Variants in DUSP10 observed in about 807,000 individuals in gnomAD.
DUSP10 encodes dual specificity phosphatase 10, also known as dual specificity protein phosphatase 10.
In DUSP10, 14 loss-of-function variants were observed where a neutral mutation model predicts 30.8. That is an observed-to-expected ratio of 0.46 (90% CI 0.30 to 0.71). DUSP10 has a LOEUF of 0.71. DUSP10 is among the 30% of genes least tolerant of loss of function. The pLI, the probability that DUSP10 is intolerant of heterozygous loss-of-function variation, is 0.08. For missense variants in DUSP10, 550 were observed against 619.4 expected, an observed-to-expected ratio of 0.89 and a Z score of 1.19; for synonymous variants, 254 against 250.4, an observed-to-expected ratio of 1.01 and a Z score of -0.14.
intron 2 of DUSP10, among the ~76,000 whole-genome samples, chr1:221,737,635 G>C (rs1661816756): frequency 6.6e-6 from 1 of 152,216 alleles, no homozygotes; most frequent in Admixed American, 6.5e-5. Context: ...CCTAAGGAGA[G>C]ATGTGCCTTT....
At chr1:221,736,909 C>T in intron 2 of DUSP10, 2 of 985,484 alleles carry the variant, frequency 2.0e-6, no homozygotes, top group Non-Finnish European at 2.4e-6. Flanking sequence ...ATGACGAGGC[C>T]TCGCAGTGGC....
chr1:221,737,764 C>A (rs891694211), intron 2 of DUSP10, among the ~76,000 whole-genome samples: 1 of 152,184 alleles, frequency 6.6e-6, no homozygotes, highest in Admixed American at 6.5e-5. Flanking sequence ...AGGCAGAATG[C>A]CCCACTGGGA....
In DUSP10 at chr1:221,722,153, T is replaced by C. The variant is rs561273115; in HGVS notation, c.812-15687A>G. ...ACGATCATATCATAAGAGCTATTTC[T>C]TCAAACACAGGAGTTCTCTCTTTTC... On this transcript the variant is annotated intron_variant, in intron 2 of 3. Transcript: ENST00000366899. Among the ~76,000 whole-genome samples the C allele has an allele frequency of 1.3e-4, 20 of 152,364 alleles. No individual in the cohort carries two copies. The South Asian group carries it at 3.9e-3, about 30-fold the overall frequency.
In DUSP10 at chr1:221,713,359, C is replaced by T. The variant is rs117171825; in HGVS notation, c.812-6893G>A. Among the ~76,000 whole-genome samples the T allele has an allele frequency of 8.6e-3, 1,302 of 152,176 alleles. 24 individuals carry two copies. The highest frequency in any genetic ancestry group is 0.061 in the East Asian group (314 of 5,186). ...TGGTTAGTGTGGTCTCCCTTGAAAA[C>T]CTCATTATATTTAGTTCTTTATGTC... On this transcript the variant is annotated intron_variant, in intron 2 of 3. Transcript: ENST00000366899.
Position 221,719,005 on chromosome 1 carries a change from C to T in DUSP10, c.812-12539G>A, listed in dbSNP as rs567738847. 2.0e-5 allele frequency among the ~76,000 whole-genome samples: 3 copies of T among 152,144 alleles called. No homozygotes were observed. The South Asian group carries it at 6.2e-4, about 32-fold the overall frequency. ...ACACAGGTGAAGCCTGGATAGGGTT[C>T]CATTGCTAAAATCATGTATGGAAGT... is the stretch of plus-strand genomic sequence containing the variant. On this transcript the variant is annotated intron_variant, in intron 2 of 3. Transcript: ENST00000366899.
intron 2 of DUSP10, among the ~76,000 whole-genome samples, chr1:221,725,094 G>A (rs1661388245): frequency 6.6e-6 from 1 of 152,134 alleles, no homozygotes; most frequent in Non-Finnish European, 1.5e-5. Flanking sequence ...TTGACTCACT[G>A]AGTCATTGAG....
intron 1 of DUSP10, among the ~76,000 whole-genome samples, chr1:221,740,212 C>T (rs1338607452): frequency 6.6e-6 from 1 of 152,202 alleles, no homozygotes; most frequent in African/African-American, 2.4e-5. Flanking sequence ...CCCTTGCATG[C>T]TTGCCATTTA....
chr1:221,716,384 A>T (rs1425603654), intron 2 of DUSP10, among the ~76,000 whole-genome samples: 1 of 152,200 alleles, frequency 6.6e-6, no homozygotes, highest in Non-Finnish European at 1.5e-5. Context: ...ACTTCAAGTC[A>T]GTCCCTCTGC....
intron 2 of DUSP10, among the ~76,000 whole-genome samples, chr1:221,725,016 A>G (rs1360487266): frequency 2.0e-5 from 3 of 152,198 alleles, no homozygotes; most frequent in South Asian, 2.1e-4. Flanking sequence ...GCGCAGATAC[A>G]TGGGGATGCC....
intron 2 of DUSP10, among the ~76,000 whole-genome samples, chr1:221,732,953 T>G (rs1380737358): frequency 6.6e-6 from 1 of 152,232 alleles, no homozygotes; most frequent in Non-Finnish European, 1.5e-5. Flanking sequence ...ATTCTTTAGT[T>G]CCAAAAAGGT....
At chr1:221,724,742 G>T (rs768151010) in intron 2 of DUSP10, among the ~76,000 whole-genome samples, 3 of 152,152 alleles carry the variant, frequency 2.0e-5, no homozygotes, top group Non-Finnish European at 4.4e-5. Flanking sequence ...CACATGGAGG[G>T]GTAGTGACCA....
chr1:221,719,570 G>A (rs1239678678), intron 2 of DUSP10, among the ~76,000 whole-genome samples: 1 of 152,200 alleles, frequency 6.6e-6, no homozygotes, highest in Non-Finnish European at 1.5e-5. Flanking sequence ...GAGGAGGTGG[G>A]CTGGAATTAC....
chr1:221,724,981 T>A (rs527901652), intron 2 of DUSP10, among the ~76,000 whole-genome samples: 2 of 152,302 alleles, frequency 1.3e-5, no homozygotes, highest in African/African-American at 4.8e-5. Flanking sequence ...TAGCTTTGAA[T>A]GAGAAAAGAC....
chr1:221,710,953 G>C lies in DUSP10; in HGVS notation c.812-4487C>G, dbSNP rs1002972623. Among the ~76,000 whole-genome samples the C allele has an allele frequency of 4.6e-5, 7 of 152,246 alleles. No individual in the cohort carries two copies. The South Asian group carries it at 1.5e-3, about 32-fold the overall frequency. On this transcript the variant is annotated intron_variant, in intron 2 of 3. Coordinates refer to ENST00000366899, the MANE Select transcript of DUSP10 (RefSeq NM_007207.6). ...GGGTAGGGTGAGGCAAGGCGGGGTGGGGGGGCAGCAAACATTTTCAAAGCT... is the reference window on the plus strand; with the variant it reads ...GGGTAGGGTGAGGCAAGGCGGGGTGCGGGGGCAGCAAACATTTTCAAAGCT...
At chr1:221,711,755 T>G (rs766912069) in intron 2 of DUSP10, 2 of 152,066 alleles carry the variant, frequency 1.3e-5, no homozygotes, top group Non-Finnish European at 2.9e-5. Flanking sequence ...TACATGAGAG[T>G]TAGGTGTTTT....
intron 2 of DUSP10, among the ~76,000 whole-genome samples, chr1:221,714,206 G>A (rs1009726509): frequency 3.9e-5 from 6 of 152,172 alleles, no homozygotes; most frequent in Non-Finnish European, 8.8e-5. Context: ...AGTTGTCATC[G>A]TATAGTAACT....
chr1:221,731,530 C>A (rs1490196122), intron 2 of DUSP10, among the ~76,000 whole-genome samples: 3 of 148,134 alleles, frequency 2.0e-5, no homozygotes, highest in African/African-American at 5.0e-5. Flanking sequence ...TGAATCATTT[C>A]TTTTCAGATC....
intron 2 of DUSP10, among the ~76,000 whole-genome samples, chr1:221,732,620 CCTACTTTAACATTAAGGACTAAATCT>C (rs1315580685): frequency 6.6e-6 from 1 of 152,162 alleles, no homozygotes; most frequent in Non-Finnish European, 1.5e-5. Flanking sequence ...CCTGGCAAGA[CCTACTTTAACATTAAGGACTAAATCT>C]CTAAAATTAA....
intron 2 of DUSP10, among the ~76,000 whole-genome samples, chr1:221,715,508 AT>A (rs1164140168): frequency 6.6e-6 from 1 of 152,172 alleles, no homozygotes; most frequent in East Asian, 1.9e-4. Context: ...CCCTCCTACC[AT>A]TTCAACTTTA....
Sources: allele counts gnomAD v4.1 joint callset (sites outside exome capture counted in the v4.1 genomes callset), GRCh38; gene constraint gnomAD v4.1.1; transcripts MANE v1.5; gene names NCBI Gene and HGNC (gene_info 2026-07-23, HGNC 2026-07-21).